Variants in GABPB1 observed in about 807,000 individuals in gnomAD.
GABPB1 encodes GA-binding protein subunit beta-1.
A neutral mutation model predicts 45.9 loss-of-function variants in GABPB1; 15 were observed. That is an observed-to-expected ratio of 0.33 (90% CI 0.22 to 0.50). The LOEUF is 0.50. Among genes scored for constraint, GABPB1 ranks in the 20% least tolerant of loss-of-function variants. GABPB1 has a pLI of 0.98. For missense variants in GABPB1, 252 were observed against 457.5 expected (o/e 0.55, Z 4.10); for synonymous variants, 143 against 154.4 (o/e 0.93, Z 0.55).
intron 7 of GABPB1, among the ~76,000 whole-genome samples, 182 bp downstream of exon 7, chr15:50,289,301 A>G (rs1375121649): frequency 6.6e-6 from 1 of 152,226 alleles, no homozygotes; most frequent in Non-Finnish European, 1.5e-5. Flanking sequence ...TAGGTAATTA[A>G]GTCTATTGCA....
chr15:50,283,603 C>T (rs1466244711), intron 8 of GABPB1, among the ~76,000 whole-genome samples: 3 of 151,958 alleles, frequency 2.0e-5, no homozygotes, highest in Non-Finnish European at 4.4e-5. Flanking sequence ...CTCCATCTCC[C>T]GGGTTCAAGC....
intron 1 of GABPB1, among the ~76,000 whole-genome samples, chr15:50,312,304 G>A (rs1331200171): frequency 5.3e-5 from 8 of 152,008 alleles, no homozygotes; most frequent in African/African-American, 1.7e-4. Flanking sequence ...ATTTATATGG[G>A]TTTTTTAAAT....
intron 1 of GABPB1, among the ~76,000 whole-genome samples, chr15:50,339,037 T>C (rs2048246795): frequency 6.6e-6 from 1 of 151,702 alleles, no homozygotes; most frequent in African/African-American, 2.4e-5. Context: ...TTGTGGTGTT[T>C]CCCACCTGTA....
At chr15:50,301,007 C>T in intron 5 of GABPB1, 105 bp from the exon 6 acceptor site, 2 of 823,346 alleles carry the variant, frequency 2.4e-6, no homozygotes, top group Admixed American at 2.4e-5. Context: ...GCTTGGATAG[C>T]ATTAGCTTTT....
intron 2 of GABPB1, 106 bp downstream of exon 2, chr15:50,309,582 AAAT>A (rs2047060107): frequency 9.1e-6 from 6 of 659,102 alleles, no homozygotes; most frequent in African/African-American, 1.8e-5. Context: ...ACATTTGCAA[AAAT>A]AATAACTTTT....
At chr15:50,310,742 G>T (rs563122238) in intron 1 of GABPB1, among the ~76,000 whole-genome samples, 1 of 152,308 alleles carries the variant, frequency 6.6e-6, no homozygotes, top group Non-Finnish European at 1.5e-5. Flanking sequence ...AGTCTGGGAG[G>T]CTGAGGCAGG....
intron 6 of GABPB1, among the ~76,000 whole-genome samples, chr15:50,292,846 A>ATGTG (rs3985830): frequency 0.21 from 31,953 of 149,660 alleles, 3,593 homozygotes; most frequent in African/African-American, 0.29. Flanking sequence ...AAGTGTGTAT[A>ATGTG]TGTGTGTGTG....
intron 6 of GABPB1, among the ~76,000 whole-genome samples, chr15:50,290,691 CT>C (rs1240892368): frequency 6.6e-6 from 1 of 151,996 alleles, no homozygotes; most frequent in Non-Finnish European, 1.5e-5. Context: ...AGAGTATTCT[CT>C]TTTTGGATTA....
intron 6 of GABPB1, among the ~76,000 whole-genome samples, chr15:50,300,438 T>TTTTTTTG: frequency 1.8e-5 from 2 of 108,184 alleles, no homozygotes; most frequent in South Asian, 3.2e-4. Context: ...TGTTTTTGGT[T>TTTTTTTG]TTTTTTTTTT....
intron 6 of GABPB1, among the ~76,000 whole-genome samples, chr15:50,300,317 C>T (rs2046682259): frequency 6.6e-6 from 1 of 151,920 alleles, no homozygotes; most frequent in Non-Finnish European, 1.5e-5. Context: ...AGAGTTGAGT[C>T]ACAGATGCCT....
intron 6 of GABPB1, among the ~76,000 whole-genome samples, chr15:50,294,904 A>G (rs1257157188): frequency 5.3e-5 from 8 of 152,230 alleles, no homozygotes; most frequent in Admixed American, 4.6e-4. Context: ...AAGTTGCTCT[A>G]AAGACAAAAA....
chr15:50,304,180 T>G (rs1310338108), intron 2 of GABPB1, 47 bp from the exon 3 acceptor site: 1 of 1,481,824 alleles, frequency 6.7e-7, no homozygotes, highest in Non-Finnish European at 9.1e-7. Context: ...TTATTGTTAC[T>G]ACACTTCTGT....
intron 1 of GABPB1, chr15:50,351,695 G>T (rs1323488308): frequency 6.6e-6 from 1 of 151,756 alleles, no homozygotes; most frequent in Non-Finnish European, 1.5e-5. Flanking sequence ...GAGGGAGACA[G>T]AAAGGTGCAC....
intron 8 of GABPB1, among the ~76,000 whole-genome samples, chr15:50,283,352 CAA>C (rs200357191): frequency 6.3e-5 from 9 of 142,572 alleles, no homozygotes; most frequent in Non-Finnish European, 1.4e-4. Flanking sequence ...CCTTTCCCTC[CAA>C]AAAAAAAAAC....
chr15:50,335,893 C>T (rs369227311), intron 1 of GABPB1, among the ~76,000 whole-genome samples: 1 of 27,406 alleles, frequency 3.6e-5, no homozygotes, highest in Non-Finnish European at 5.5e-5. Context: ...AAGACTCCGA[C>T]TCAAAAAAAA....
chr15:50,342,595 G>C (rs1470794581), intron 1 of GABPB1, among the ~76,000 whole-genome samples: 1 of 152,188 alleles, frequency 6.6e-6, no homozygotes, highest in Non-Finnish European at 1.5e-5. Context: ...AGTGGGTATA[G>C]ACACCATAGA....
At chr15:50,323,378 C>T (rs2047641972) in intron 1 of GABPB1, among the ~76,000 whole-genome samples, 1 of 152,088 alleles carries the variant, frequency 6.6e-6, no homozygotes, top group Non-Finnish European at 1.5e-5. Context: ...ACTACTCTCA[C>T]TACAGGCCCC....
chr15:50,327,905 A>G (rs144940523), intron 1 of GABPB1, among the ~76,000 whole-genome samples: 9 of 152,244 alleles, frequency 5.9e-5, no homozygotes, highest in South Asian at 2.1e-4. Flanking sequence ...CTCAAAAGAA[A>G]AAAAAAAGAT....
intron 1 of GABPB1, chr15:50,347,304 A>C (rs533223733): frequency 6.6e-6 from 1 of 152,338 alleles, no homozygotes; most frequent in East Asian, 1.9e-4. Context: ...AGGAAGAATA[A>C]TCACATTGGC....
Sources: allele counts gnomAD v4.1 joint callset (sites outside exome capture counted in the v4.1 genomes callset), GRCh38; gene constraint gnomAD v4.1.1; transcripts MANE v1.5; gene names NCBI Gene and HGNC (gene_info 2026-07-23, HGNC 2026-07-21).